CDH18: variants seen among roughly 807,000 people sequenced by gnomAD.
The protein encoded by CDH18 is cadherin 18.
CDH18 carries 31 observed loss-of-function variants against 67.9 expected under a neutral mutation model. The observed-to-expected ratio is 0.46, with a 90% CI of 0.34 to 0.62. The LOEUF is 0.62. Ranked by LOEUF, CDH18 falls within the 20% of genes least tolerant of loss-of-function variation. CDH18 has a pLI of 0.01. For missense variants in CDH18, 890 were observed against 975.5 expected, an observed-to-expected ratio of 0.91 and a Z score of 1.17; for synonymous variants, 362 against 347.2, an observed-to-expected ratio of 1.04 and a Z score of -0.48.
chr5:19,802,551 A>G (rs150571267), intron 3 of CDH18, among the ~76,000 whole-genome samples: 1 of 152,292 alleles, frequency 6.6e-6, no homozygotes, highest in East Asian at 1.9e-4. Flanking sequence ...AAAATTTCCC[A>G]AAGAGTTGAG....
At position 20,124,081 on chromosome 5, in the gene CDH18, G is replaced by GAAATC. The variant is rs1748616734; in HGVS notation, c.-518+131358_-518+131362dup. Among the ~76,000 whole-genome samples the GAAATC allele has an allele frequency of 2.0e-5, 3 of 152,092 alleles. No homozygotes were observed. The South Asian group carries it at 6.2e-4, about 32-fold the overall frequency. ...AGTTAATATAGCTGTTCCCATGGGGGAAATCAAGTGTGGCTGGATAGAAAC... is the reference window on the plus strand; with the variant it reads ...AGTTAATATAGCTGTTCCCATGGGGGAAATCAAATCAAGTGTGGCTGGATAGAAAC... On this transcript the variant is annotated intron_variant, in intron 2 of 14. Transcript: ENST00000507958.
At chr5:20,359,172 C>T (rs1741885854) in intron 1 of CDH18, among the ~76,000 whole-genome samples, 1 of 151,886 alleles carries the variant, frequency 6.6e-6, no homozygotes, top group African/African-American at 2.4e-5. Context: ...CTCAGGTGAT[C>T]CACCCACCTC....
intron 2 of CDH18, among the ~76,000 whole-genome samples, chr5:20,126,841 C>T (rs1219063342): frequency 2.0e-5 from 3 of 152,152 alleles, no homozygotes; most frequent in Non-Finnish European, 4.4e-5. Context: ...CAAATTGAAA[C>T]TTTTGTGCAC....
At position 19,591,071 on chromosome 5, in the gene CDH18, G is replaced by A; in HGVS notation, c.985C>T (p.Leu329Phe). The change falls in exon 7 of 13, where the codon CTT becomes TTT. Residue 329 changes from leucine to phenylalanine, a missense_variant. Physicochemically the swap from Leu to Phe is conservative, Grantham distance 22. Transcript: ENST00000382275. ...STDKETREGI[L>F]SLKKPLNYEK... The stretch of plus-strand genomic sequence containing the variant: ...GTTCTTTTTACCTTCTTTAAAGAAA[G>A]GATTCCTTCTCTGGTCTCTTTGTCA... The A allele has an allele frequency of 6.3e-7, 1 of 1,583,776 alleles. No homozygotes were observed. The highest frequency in any genetic ancestry group is 1.2e-5 in the South Asian group (1 of 86,270).
rs557449093 is a variant in CDH18 at position 19,564,195 on chromosome 5, C to T, written c.1253+7384G>A. Among the ~76,000 whole-genome samples, 5 of 152,192 alleles carry T rather than the reference C, an allele frequency of 3.3e-5. No individual in the cohort carries two copies. The East Asian group carries it at 7.7e-4, about 24-fold the overall frequency. On this transcript the variant is annotated intron_variant, in intron 8 of 12. Coordinates refer to ENST00000382275, the MANE Select transcript of CDH18 (RefSeq NM_004934.5). ...GAGTAAGCCTTGGTGATGTGCTGGG[C>T]TTGGAGCCAGTGGATCTGGAGTGCA...
At chr5:20,091,473 C>A (rs1265667727) in intron 2 of CDH18, among the ~76,000 whole-genome samples, 1 of 152,144 alleles carries the variant, frequency 6.6e-6, no homozygotes, top group African/African-American at 2.4e-5. Flanking sequence ...ATTGGCACTC[C>A]AGCCTGGGTG....
At chr5:20,504,835 T>C (rs2471145) in intron 1 of CDH18, among the ~76,000 whole-genome samples, 69,220 of 143,802 alleles carry the variant, frequency 0.48, 16,574 homozygotes, top group East Asian at 0.57. Flanking sequence ...TGGCGCTATC[T>C]CAGCTCACTG....
At chr5:20,384,039 G>T (rs1157135336) in intron 1 of CDH18, among the ~76,000 whole-genome samples, 7 of 152,000 alleles carry the variant, frequency 4.6e-5, no homozygotes, top group Non-Finnish European at 7.4e-5. Context: ...TTAGCAAGCA[G>T]TAAAGTTTTT....
intron 2 of CDH18, among the ~76,000 whole-genome samples, chr5:20,069,292 T>C (rs2150522208): frequency 6.6e-6 from 1 of 152,214 alleles, no homozygotes; most frequent in African/African-American, 2.4e-5. Context: ...AAGTAGCTTC[T>C]TCTCAAGCCT....
At chr5:20,355,331 T>C (rs1308412202) in intron 1 of CDH18, among the ~76,000 whole-genome samples, 3 of 152,252 alleles carry the variant, frequency 2.0e-5, no homozygotes. Flanking sequence ...CATTTTGTTT[T>C]GTCTCTGAAC....
At chr5:20,483,653 CA>C (rs61319784) in intron 1 of CDH18, among the ~76,000 whole-genome samples, 2,056 of 128,830 alleles carry the variant, frequency 0.016, 28 homozygotes, top group Non-Finnish European at 0.026. Flanking sequence ...AGAAAGTTGC[CA>C]AAAAAAAAAA....
intron 4 of CDH18, among the ~76,000 whole-genome samples, chr5:19,740,217 T>C (rs1768918143): frequency 1.3e-5 from 2 of 151,284 alleles, no homozygotes; most frequent in African/African-American, 4.9e-5. Flanking sequence ...TGCTTTTAAA[T>C]GGTATTTAAT....
chr5:19,577,950 C>T (rs933524010), intron 7 of CDH18, among the ~76,000 whole-genome samples: 9 of 152,194 alleles, frequency 5.9e-5, no homozygotes, highest in East Asian at 1.9e-4. Flanking sequence ...AAATGTGATG[C>T]GGTCATATGA....
intron 6 of CDH18, among the ~76,000 whole-genome samples, chr5:19,592,569 T>C (rs977584563): frequency 1.3e-5 from 2 of 152,106 alleles, no homozygotes; most frequent in African/African-American, 4.8e-5. Context: ...GCACAATCTC[T>C]AGAAAAATAA....
chr5:19,615,093 G>A (rs1279393780), intron 5 of CDH18, among the ~76,000 whole-genome samples: 3 of 151,270 alleles, frequency 2.0e-5, no homozygotes, highest in Admixed American at 6.6e-5. Context: ...GTTGCAGTGA[G>A]CCAAGATTGC....
At chr5:20,359,143 C>CTGG (rs1369198202) in intron 1 of CDH18, among the ~76,000 whole-genome samples, 1 of 151,958 alleles carries the variant, frequency 6.6e-6, no homozygotes, top group African/African-American at 2.4e-5. Flanking sequence ...GTTGGTCAGG[C>CTGG]TGGTCTCAAA....
intron 2 of CDH18, among the ~76,000 whole-genome samples, chr5:19,889,602 T>C (rs1391168493): frequency 6.6e-6 from 1 of 152,140 alleles, no homozygotes; most frequent in East Asian, 1.9e-4. Flanking sequence ...TTATTTTAAA[T>C]GAAAATATTG....
intron 1 of CDH18, among the ~76,000 whole-genome samples, chr5:20,497,884 T>C (rs954570329): frequency 1.1e-4 from 16 of 152,026 alleles, no homozygotes; most frequent in African/African-American, 3.6e-4. Flanking sequence ...TATTCGGAGG[T>C]GAGGACTTCG....
chr5:20,430,616 T>C (rs1306506780), intron 1 of CDH18, among the ~76,000 whole-genome samples: 2 of 152,220 alleles, frequency 1.3e-5, no homozygotes, highest in Non-Finnish European at 2.9e-5. Flanking sequence ...AAAGTGGTAT[T>C]TTCTTCATAA....
Sources: gnomAD v4.1 joint callset for allele counts (sites outside exome capture counted in the v4.1 genomes callset) on GRCh38, gnomAD v4.1.1 for gene constraint, MANE v1.5 for transcripts, NCBI Gene and HGNC (gene_info 2026-07-23, HGNC 2026-07-21) for gene names.